GPC6: variants seen among roughly 807,000 people sequenced by gnomAD.
GPC6 encodes the protein glypican 6, also known as glypican-6.
In GPC6, 14 loss-of-function variants were observed where a neutral mutation model predicts 55.2. The observed-to-expected ratio is 0.25, with a 90% CI of 0.17 to 0.40. The LOEUF (loss-of-function observed/expected upper bound fraction) is 0.40, where lower values mean the gene tolerates loss of function less well. GPC6 is among the 10% of genes least tolerant of loss of function. The pLI, the probability that GPC6 is intolerant of heterozygous loss-of-function variation, is 1.00. For missense variants in GPC6, 641 were observed against 708.5 expected (o/e 0.90, Z 1.08); for synonymous variants, 278 against 259.6 (o/e 1.07, Z -0.68).
intron 3 of GPC6, among the ~76,000 whole-genome samples, chr13:94,009,949 TTTGA>T (rs1882176251): frequency 6.6e-6 from 1 of 152,194 alleles, no homozygotes; most frequent in South Asian, 2.1e-4. Flanking sequence ...TATTACATAT[TTTGA>T]CTGGAAATTT....
At chr13:93,609,237 T>C (rs1419982233) in intron 2 of GPC6, among the ~76,000 whole-genome samples, 2 of 152,138 alleles carry the variant, frequency 1.3e-5, no homozygotes, top group African/African-American at 4.8e-5. Flanking sequence ...GTTGTTGAGA[T>C]AGAGTCTTGT....
chr13:93,397,201 A>T (rs573408177), intron 1 of GPC6, among the ~76,000 whole-genome samples: 4 of 152,326 alleles, frequency 2.6e-5, no homozygotes, highest in Admixed American at 2.6e-4. Context: ...ATTGAGGTAT[A>T]ATTCACATCC....
At chr13:94,025,953 G>A (rs1376723923) in intron 3 of GPC6, among the ~76,000 whole-genome samples, 2 of 152,128 alleles carry the variant, frequency 1.3e-5, no homozygotes, top group Non-Finnish European at 2.9e-5. Context: ...TATTACTTTG[G>A]CATGAAAAAT....
intron 4 of GPC6, among the ~76,000 whole-genome samples, chr13:94,199,681 A>T (rs1191970933): frequency 6.6e-6 from 1 of 152,168 alleles, no homozygotes; most frequent in Non-Finnish European, 1.5e-5. Flanking sequence ...ATGGGTAGAC[A>T]ATATATGTGA....
At chr13:94,295,383 C>G (rs1374357031) in intron 5 of GPC6, among the ~76,000 whole-genome samples, 1 of 152,162 alleles carries the variant, frequency 6.6e-6, no homozygotes, top group East Asian at 1.9e-4. Flanking sequence ...CTAAAGAGCA[C>G]TGACTCATTG....
intron 2 of GPC6, among the ~76,000 whole-genome samples, chr13:93,691,396 A>AT (rs11394432): frequency 0.14 from 21,482 of 150,792 alleles, 2,653 homozygotes; most frequent in South Asian, 0.32. Flanking sequence ...ATTCCTATAT[A>AT]TTTTTTTTAA....
At chr13:93,486,072 G>A (rs191137372) in intron 1 of GPC6, among the ~76,000 whole-genome samples, 109 of 152,258 alleles carry the variant, frequency 7.2e-4, no homozygotes, top group Admixed American at 4.1e-3. Flanking sequence ...GAAAATTGTT[G>A]CATGAATGTG....
chr13:94,034,201 G>GAAAGA (rs1442925708), intron 4 of GPC6, among the ~76,000 whole-genome samples: 7 of 18,554 alleles, frequency 3.8e-4, no homozygotes, highest in Non-Finnish European at 5.3e-4. Context: ...AAGAAAGAAA[G>GAAAGA]AAGGAAGGAA....
At chr13:93,776,267 T>G (rs557438210) in intron 2 of GPC6, among the ~76,000 whole-genome samples, 1 of 152,312 alleles carries the variant, frequency 6.6e-6, no homozygotes, top group South Asian at 2.1e-4. Context: ...ATAGCTTACA[T>G]GTATTCAACC....
chr13:93,830,732 G>C (rs1226363598), intron 3 of GPC6, 187 bp downstream of exon 3: 1 of 612,184 alleles, frequency 1.6e-6, no homozygotes, highest in Non-Finnish European at 2.8e-6. Flanking sequence ...TTGTGTGAGA[G>C]AGAACAGGAT....
At chr13:93,822,427 A>G (rs549773583) in intron 2 of GPC6, among the ~76,000 whole-genome samples, 16 of 152,176 alleles carry the variant, frequency 1.1e-4, no homozygotes, top group Non-Finnish European at 1.9e-4. Flanking sequence ...TAAGGGGACA[A>G]TAATCACACA....
At chr13:93,784,773 T>C (rs1050001813) in intron 2 of GPC6, among the ~76,000 whole-genome samples, 14 of 152,310 alleles carry the variant, frequency 9.2e-5, no homozygotes, top group Non-Finnish European at 1.9e-4. Flanking sequence ...TCAATGATTA[T>C]TTTTCCCATG....
In GPC6 at chr13:93,471,715, A is replaced by G. The variant is rs182682161; in HGVS notation, c.161-73548A>G. 2.6e-5 allele frequency among the ~76,000 whole-genome samples: 4 copies of G among 152,026 alleles called. No homozygotes were observed. The East Asian group carries it at 7.7e-4, about 29-fold the overall frequency. Reference sequence around the variant, plus strand: ...ATGTTTTTTTTATTAATGTTCTCTGATTTAATTCAGTTACAGAGAACACGC... The same window carrying G: ...ATGTTTTTTTTATTAATGTTCTCTGGTTTAATTCAGTTACAGAGAACACGC... On this transcript the variant is annotated intron_variant, in intron 1 of 8. Transcript: ENST00000377047.
chr13:94,327,201 C>G (rs1025877499), intron 6 of GPC6, among the ~76,000 whole-genome samples: 2 of 152,158 alleles, frequency 1.3e-5, no homozygotes, highest in African/African-American at 2.4e-5. Context: ...CCTGGCTGTT[C>G]ACGTAGCTGT....
At chr13:93,852,008 C>A (rs1000098483) in intron 3 of GPC6, among the ~76,000 whole-genome samples, 4 of 151,682 alleles carry the variant, frequency 2.6e-5, no homozygotes, top group African/African-American at 9.7e-5. Flanking sequence ...TATAATATCA[C>A]AGTTTTACAT....
chr13:93,879,163 G>A (rs1000190542), intron 3 of GPC6, among the ~76,000 whole-genome samples: 2 of 151,974 alleles, frequency 1.3e-5, no homozygotes, highest in Admixed American at 6.6e-5. Context: ...CGTAGTTCTC[G>A]AGCCTTGGTT....
chr13:94,360,201 A>AT (rs1278373173), intron 6 of GPC6, among the ~76,000 whole-genome samples: 1 of 152,072 alleles, frequency 6.6e-6, no homozygotes, highest in Admixed American at 6.6e-5. Context: ...TAGGACTTTC[A>AT]TTTTTTCACA....
At chr13:94,024,049 G>A (rs1882801268) in intron 3 of GPC6, among the ~76,000 whole-genome samples, 1 of 151,682 alleles carries the variant, frequency 6.6e-6, no homozygotes, top group Non-Finnish European at 1.5e-5. Context: ...GATTGTGGTG[G>A]TGGTGGTTCC....
rs367663884 is a variant in GPC6, at chr13:94,288,857, AATAT to A, written c.1008+2385_1008+2388del. Among the ~76,000 whole-genome samples, 54 of 9,232 alleles carry A rather than the reference AATAT, an allele frequency of 5.8e-3. 1 individual carries two copies. The highest frequency in any genetic ancestry group is 0.014 in the African/African-American group (53 of 3,912). 6.1% of individuals were successfully genotyped at this position (9,232 alleles called of 152,430 possible). On this transcript the variant is annotated intron_variant, in intron 5 of 8. Transcript: ENST00000377047. ...TTATATATAACAAATATATATAATA[AATAT>A]ATATATTTGTTATATATATAACTAA...
Sources: allele counts gnomAD v4.1 joint callset (sites outside exome capture counted in the v4.1 genomes callset), GRCh38; gene constraint gnomAD v4.1.1; transcripts MANE v1.5; gene names NCBI Gene and HGNC (gene_info 2026-07-23, HGNC 2026-07-21).